PKHD1L1: variants seen among roughly 807,000 people sequenced by gnomAD.
The protein encoded by PKHD1L1 is PKHD1 like 1.
Under a neutral mutation model 462.9 loss-of-function variants are expected in PKHD1L1, and 434 were observed. The observed-to-expected ratio is 0.94, with a 90% CI of 0.87 to 1.02. PKHD1L1 has a LOEUF of 1.02. Among genes scored for constraint, PKHD1L1 ranks in the 50% least tolerant of loss-of-function variants. The pLI is 0.00. For missense variants in PKHD1L1, 5,202 were observed against 5,096.1 expected (o/e 1.02, Z -0.63); for synonymous variants, 1,781 against 1,750.0 (o/e 1.02, Z -0.44).
intron 13 of PKHD1L1, 82 bp from the exon 14 acceptor site, chr8:109,401,415 T>C: frequency 4.0e-6 from 3 of 749,112 alleles, no homozygotes; most frequent in South Asian, 4.0e-5. Flanking sequence ...AAAACTGAAA[T>C]AATAAATGAT....
intron 12 of PKHD1L1, 121 bp from the exon 13 acceptor site, chr8:109,399,955 T>C: frequency 9.4e-7 from 1 of 1,068,874 alleles, no homozygotes; most frequent in Non-Finnish European, 1.3e-6. Flanking sequence ...TTGTTTTGTC[T>C]GCACACATAC....
At position 109,364,547 on chromosome 8, in the gene PKHD1L1, A is replaced by T. The variant is rs1413694774; in HGVS notation, c.74A>T (p.Asp25Val). ...TCTACTGTATTTTAATATTTTTCAG[A>T]TGGCTCTCAAATAATCCCCAAAGTC... is the stretch of plus-strand genomic sequence containing the variant. ...LLLCAADPST[D>V]GSQIIPKVTE... Residue 25 changes from aspartate (D) to valine (V), a missense_variant and splice_region_variant, in exon 2 of 78, where the codon GAT becomes GTT. Physicochemically the swap from Asp to Val is radical, Grantham distance 152. Coordinates refer to ENST00000378402, the MANE Select transcript of PKHD1L1 (RefSeq NM_177531.6). The T allele has an allele frequency of 6.3e-7, 1 of 1,577,202 alleles. No individual in the cohort carries two copies. The highest frequency in any genetic ancestry group is 1.1e-5 in the South Asian group (1 of 87,346).
chr8:109,474,161 A>T (rs921492253), intron 50 of PKHD1L1, among the ~76,000 whole-genome samples: 1 of 152,076 alleles, frequency 6.6e-6, no homozygotes, highest in Non-Finnish European at 1.5e-5. Flanking sequence ...AAAATCATGA[A>T]TTTTTTCTCT....
intron 21 of PKHD1L1, among the ~76,000 whole-genome samples, chr8:109,416,280 C>T (rs995624045): frequency 1.3e-5 from 2 of 152,104 alleles, no homozygotes; most frequent in African/African-American, 4.8e-5. Context: ...CATGTTTCCA[C>T]AGAATGTAAA....
rs1490620390 is a variant in PKHD1L1 at position 109,480,140 on chromosome 8, G to GT, written c.9327+2dup. ...GAATGCTACCTACATATCACTGCAG[G>GT]TAAGAGTGAGGGCCTTGTAGTTTAT... On this transcript the variant is annotated splice_donor_variant, in intron 55 of 77. Coordinates refer to ENST00000378402, the MANE Select transcript of PKHD1L1 (RefSeq NM_177531.6). LOFTEE classifies it high-confidence loss of function. 6.4e-7 allele frequency: 1 copy of GT among 1,553,456 alleles called. No homozygotes were observed. The highest frequency in any genetic ancestry group is 8.7e-7 in the Non-Finnish European group (1 of 1,152,454).
chr8:109,442,629 C>A (rs143614181), intron 35 of PKHD1L1, among the ~76,000 whole-genome samples: 3 of 151,950 alleles, frequency 2.0e-5, no homozygotes, highest in African/African-American at 7.2e-5. Flanking sequence ...GATTTTGAAC[C>A]TTTCACTCAC....
rs1819583342 is a variant in PKHD1L1, at chr8:109,504,336, T to A, written c.10838T>A (p.Phe3613Tyr). The change falls in exon 68 of 78, where the codon TTT becomes TAT. Residue 3613 changes from phenylalanine (F) to tyrosine (Y), a missense_variant. Transcript: ENST00000378402. ...ATTATTTATGTTTTAGGTTCAACAT[T>A]TGTTGGATTTAAGAATGTTTGTTCA... ...SGLLDISGSTFVGFKNVCSGE... is the reference protein window; with the variant it reads ...SGLLDISGSTYVGFKNVCSGE... 2 of 1,432,622 alleles carry A rather than the reference T, an allele frequency of 1.4e-6. No individual in the cohort carries two copies. Among genetic ancestry groups the A allele is most frequent in the African/African-American group, 2.9e-5 (2 of 67,842 alleles). 88.7% of individuals were successfully genotyped at this position (1,432,622 alleles called of 1,614,324 possible).
At chr8:109,441,843 T>G (rs1815811522) in intron 34 of PKHD1L1, among the ~76,000 whole-genome samples, 164 bp from the exon 35 acceptor site, 1 of 152,182 alleles carries the variant, frequency 6.6e-6, no homozygotes, top group Non-Finnish European at 1.5e-5. Flanking sequence ...CTTTCCATTA[T>G]TTCTATTTGT....
In PKHD1L1 at chr8:109,427,047, A is replaced by G; in HGVS notation, c.2891A>G (p.Gln964Arg). ...GCTGCAGATCTGCAGTTTGCACTCC[A>G]GAGTCTGGAGGGAATGGGAAGAATC... The part of the protein sequence containing the change: ...VSAADLQFAL[Q>R]SLEGMGRISV... Residue 964 changes from glutamine (Q) to arginine (R), a missense_variant, in exon 25 of 78, where the codon CAG becomes CGG. This residue lies in a region of PKHD1L1 where 4,497 missense variants were observed against 4,336.8 expected (regional missense o/e 1.04). Coordinates refer to ENST00000378402, the MANE Select transcript of PKHD1L1 (RefSeq NM_177531.6). 6.2e-7 allele frequency: 1 copy of G among 1,613,746 alleles called. No individual in the cohort carries two copies. The highest frequency in any genetic ancestry group is 1.3e-5 in the African/African-American group (1 of 75,052).
At chr8:109,373,348 A>G (rs1811621720) in intron 2 of PKHD1L1, among the ~76,000 whole-genome samples, 1 of 152,006 alleles carries the variant, frequency 6.6e-6, no homozygotes, top group Non-Finnish European at 1.5e-5. Context: ...ATCTGTGGTG[A>G]TATCTCCTTT....
At chr8:109,457,041 A>AAC (rs1212469390) in intron 46 of PKHD1L1, among the ~76,000 whole-genome samples, 1 of 152,188 alleles carries the variant, frequency 6.6e-6, no homozygotes, top group African/African-American at 2.4e-5. Context: ...AAATTAACAT[A>AAC]ACACCACCAA....
In PKHD1L1 at chr8:109,465,181, G is replaced by T; in HGVS notation, c.8349G>T (p.Pro2783=). The T allele has an allele frequency of 1.2e-6, 2 of 1,613,710 alleles. No homozygotes were observed. Among genetic ancestry groups the T allele is most frequent in the Non-Finnish European group, 1.7e-6 (2 of 1,179,744 alleles). The change falls in exon 49 of 78, where the codon CCG becomes CCT. Residue 2783 remains proline, a synonymous_variant. Transcript: ENST00000378402. ...KFVDVQYSHT[P]NKAGFRWEHE... is the part of the protein sequence containing the mutation. Reference sequence around the variant, plus strand: ...TTGACGTCCAGTATTCTCACACACCGAACAAGGCTGGCTTTCGCTGGGAAC... The same window carrying T: ...TTGACGTCCAGTATTCTCACACACCTAACAAGGCTGGCTTTCGCTGGGAAC...
At chr8:109,498,604 T>C (rs1427490910) in intron 66 of PKHD1L1, 31 bp downstream of exon 66, 1 of 1,609,416 alleles carries the variant, frequency 6.2e-7, no homozygotes, top group Middle Eastern at 1.7e-4. Context: ...ATGTTGTTGT[T>C]CATATGAGTG....
Position 109,522,423 on chromosome 8 carries a change from T to A in PKHD1L1, c.12183+86T>A, listed in dbSNP as rs117640596. On this transcript the variant is annotated intron_variant, in intron 74 of 77. Transcript: ENST00000378402. ...CTTATTTTAACTCTCTGTTTCTATT[T>A]CAAAACAATAATTTAGCAGGCATGT... 1.5e-3 allele frequency: 2,054 copies of A among 1,333,366 alleles called. 9 individuals carry two copies. Among genetic ancestry groups the A allele is most frequent in the Middle Eastern group, 6.0e-3 (29 of 4,832 alleles). 82.6% of individuals were successfully genotyped at this position (1,333,366 alleles called of 1,614,324 possible). A position where few individuals can be genotyped will look rare whatever the true frequency, so the allele number is the denominator to read the frequency against.
chr8:109,504,466 A>AAT lies in PKHD1L1; in HGVS notation c.10971_10972dup (p.Phe3658TyrfsTer8), dbSNP rs1563618632. 2 of 1,538,274 alleles carry AAT rather than the reference A, an allele frequency of 1.3e-6. No individual in the cohort carries two copies. Among genetic ancestry groups the AAT allele is most frequent in the Non-Finnish European group, 1.8e-6 (2 of 1,139,618 alleles). On this transcript the variant is annotated frameshift_variant, in exon 68 of 78. Transcript: ENST00000378402. LOFTEE classifies it high-confidence loss of function. Reference sequence around the variant, plus strand: ...TGGTTGATACCACTGAACAATCAAAAATATTTATACATAGGCCTGATATAA... The same window carrying AAT: ...TGGTTGATACCACTGAACAATCAAAAATATATTTATACATAGGCCTGATATAA...
chr8:109,449,521 A>T, intron 40 of PKHD1L1, 34 bp downstream of exon 40: 1 of 1,516,970 alleles, frequency 6.6e-7, no homozygotes, highest in Non-Finnish European at 8.9e-7. Flanking sequence ...GCAGTCTTTG[A>T]GAACTAGTTA....
Position 109,481,448 on chromosome 8 carries a change from G to A in PKHD1L1, c.9343G>A (p.Gly3115Ser), listed in dbSNP as rs374353671. 5.1e-5 allele frequency: 81 copies of A among 1,596,394 alleles called. No individual in the cohort carries two copies. The Middle Eastern group carries it at 8.3e-4, about 16-fold the overall frequency. ...TTCATTTCAGGGAGGTAGATTAATC[G>A]GTGGCTGGGAAGATAACCCTTTTAA... The part of the protein sequence containing the change: ...YISLQGGRLI[G>S]GWEDNPFKGD... Residue 3115 changes from glycine to serine, a missense_variant, in exon 56 of 78, where the codon GGT (glycine) becomes AGT (serine). Physicochemically the swap from Gly to Ser is moderately conservative, Grantham distance 56 (BLOSUM62 0). Around this residue, in one of 3 missense-constraint regions of PKHD1L1, gnomAD observed 4,497 missense variants for 4,336.8 expected, o/e 1.04. Coordinates refer to ENST00000378402, the MANE Select transcript of PKHD1L1 (RefSeq NM_177531.6).
chr8:109,526,912 G>A lies in PKHD1L1; in HGVS notation c.12613G>A (p.Val4205Met), dbSNP rs771076806. 14 of 1,613,386 alleles carry A rather than the reference G, an allele frequency of 8.7e-6. No individual in the cohort carries two copies. The South Asian group carries it at 1.5e-4, about 18-fold the overall frequency. Reference sequence around the variant, plus strand: ...CAGCAGCAACAGCAAAGCATCAACTGTGGGTACATATGCCCAGATAATGAC... The same window carrying A: ...CAGCAGCAACAGCAAAGCATCAACTATGGGTACATATGCCCAGATAATGAC... ...SSSSNSKASTVGTYAQIMTVV... is the reference protein window; with the variant it reads ...SSSSNSKASTMGTYAQIMTVV... The change falls in exon 77 of 78, where the codon GTG becomes ATG. Residue 4205 changes from valine to methionine, a missense_variant. By Grantham distance (21) the Val-to-Met change is conservative. Around this residue, in one of 3 missense-constraint regions of PKHD1L1, gnomAD observed 698 missense variants for 736.3 expected, o/e 0.95. Transcript: ENST00000378402.
At chr8:109,455,619 A>C (rs1816778639) in intron 45 of PKHD1L1, among the ~76,000 whole-genome samples, 2 of 152,188 alleles carry the variant, frequency 1.3e-5, no homozygotes, top group African/African-American at 4.8e-5. Flanking sequence ...AAATATAACA[A>C]GGGATTTATA....
Sources: allele counts gnomAD v4.1 joint callset (sites outside exome capture counted in the v4.1 genomes callset), GRCh38; gene constraint gnomAD v4.1.1; regional missense constraint gnomAD v4.1.1; transcripts MANE v1.5; gene names NCBI Gene and HGNC (gene_info 2026-07-23, HGNC 2026-07-21).